Variants in CFAP54 observed in about 807,000 individuals in gnomAD.
CFAP54 encodes the protein cilia- and flagella-associated protein 54.
Under a neutral mutation model 370.4 loss-of-function variants are expected in CFAP54, and 290 were observed. The ratio of observed to expected loss-of-function variants is 0.78; its 90% confidence interval spans 0.71 to 0.86. The LOEUF (loss-of-function observed/expected upper bound fraction) is 0.86, where lower values mean the gene tolerates loss of function less well. CFAP54 is among the 40% of genes least tolerant of loss of function. The pLI, the probability that CFAP54 is intolerant of heterozygous loss-of-function variation, is 0.00. For missense variants in CFAP54, 3,399 were observed against 3,528.7 expected, an observed-to-expected ratio of 0.96 and a Z score of 0.93; for synonymous variants, 1,206 against 1,236.5, an observed-to-expected ratio of 0.98 and a Z score of 0.52.
At chr12:96,544,942 C>T (rs1225020678) in intron 14 of CFAP54, among the ~76,000 whole-genome samples, 3 of 151,312 alleles carry the variant, frequency 2.0e-5, no homozygotes. Context: ...GACGGAGTCT[C>T]GCTCTTTTAC....
intron 51 of CFAP54, 57 bp downstream of exon 51, chr12:96,740,118 T>C: frequency 1.1e-6 from 1 of 950,184 alleles, no homozygotes; most frequent in Non-Finnish European, 1.6e-6. Context: ...ACTATTGGCA[T>C]GCTAGGATAT....
chr12:96,490,969 T>C (rs1954876805), intron 1 of CFAP54, among the ~76,000 whole-genome samples: 1 of 146,786 alleles, frequency 6.8e-6, no homozygotes, highest in East Asian at 2.0e-4. Context: ...AGATGAATGT[T>C]GCAATTTTAT....
chr12:96,501,669 G>A (rs371752014), intron 2 of CFAP54, among the ~76,000 whole-genome samples: 7 of 152,312 alleles, frequency 4.6e-5, no homozygotes, highest in South Asian at 2.1e-4. Flanking sequence ...TAGGCCAGCC[G>A]TGGGCAGTGT....
chr12:96,636,651 T>G (rs1427735513), intron 32 of CFAP54, among the ~76,000 whole-genome samples: 1 of 152,196 alleles, frequency 6.6e-6, no homozygotes, highest in East Asian at 1.9e-4. Flanking sequence ...ACTTTCTATC[T>G]TCCTTTTAAA....
At chr12:96,594,815 C>G in intron 25 of CFAP54, among the ~76,000 whole-genome samples, 1 of 151,858 alleles carries the variant, frequency 6.6e-6, no homozygotes, top group East Asian at 1.9e-4. Flanking sequence ...GTGGGAGACC[C>G]AAGACAAAAT....
chr12:96,711,391 T>C (rs1195086604), intron 48 of CFAP54, among the ~76,000 whole-genome samples: 2 of 152,202 alleles, frequency 1.3e-5, no homozygotes, highest in African/African-American at 4.8e-5. Context: ...TATTTCAATC[T>C]TTATTATTTT....
intron 67 of CFAP54, among the ~76,000 whole-genome samples, chr12:96,872,980 A>G (rs1350794722): frequency 6.6e-6 from 1 of 152,226 alleles, no homozygotes; most frequent in African/African-American, 2.4e-5. Context: ...AAAAGAATAG[A>G]TAGCCATCAG....
At chr12:96,855,571 C>A (rs1212393230) in intron 66 of CFAP54, among the ~76,000 whole-genome samples, 1 of 152,226 alleles carries the variant, frequency 6.6e-6, no homozygotes, top group Non-Finnish European at 1.5e-5. Context: ...AGTCCAAAAT[C>A]CAAAAGGGCA....
chr12:96,867,716 C>T (rs574396837), intron 67 of CFAP54, among the ~76,000 whole-genome samples: 3 of 152,056 alleles, frequency 2.0e-5, no homozygotes, highest in Non-Finnish European at 4.4e-5. Context: ...AAGTTAAACT[C>T]GTAGAAGCAG....
At chr12:96,563,448 T>C (rs529393312) in intron 17 of CFAP54, among the ~76,000 whole-genome samples, 1 of 152,334 alleles carries the variant, frequency 6.6e-6, no homozygotes, top group Non-Finnish European at 1.5e-5. Context: ...ATGATGCATC[T>C]GTATTTGGCA....
intron 1 of CFAP54, among the ~76,000 whole-genome samples, chr12:96,497,537 T>C (rs1954969133): frequency 6.6e-6 from 1 of 152,186 alleles, no homozygotes; most frequent in African/African-American, 2.4e-5. Flanking sequence ...TAATGGCATT[T>C]TAAAATCAAC....
rs141189993 is a variant in CFAP54, at chr12:96,692,125, A to C, written c.6264+815A>C. On this transcript the variant is annotated intron_variant, in intron 44 of 67. Coordinates refer to ENST00000524981, the MANE Select transcript of CFAP54 (RefSeq NM_001306084.2). ...TTCTCTCGGTATATTTGTTCTTCTG[A>C]ATTCAACTCTCTCTTTATACTGAAA... Among the ~76,000 whole-genome samples, 874 of 151,744 alleles carry C rather than the reference A, an allele frequency of 5.8e-3. 7 individuals are homozygous for C. Among genetic ancestry groups the C allele is most frequent in the Middle Eastern group, 0.041 (12 of 294 alleles).
chr12:96,855,567 A>G (rs1959678615), intron 66 of CFAP54, among the ~76,000 whole-genome samples: 1 of 152,230 alleles, frequency 6.6e-6, no homozygotes, highest in Non-Finnish European at 1.5e-5. Context: ...TGCAAGTCCA[A>G]AATCCAAAAG....
At chr12:96,857,942 A>G (rs1025620258) in intron 66 of CFAP54, among the ~76,000 whole-genome samples, 3 of 152,170 alleles carry the variant, frequency 2.0e-5, no homozygotes, top group African/African-American at 7.2e-5. Context: ...TGCTATTGTG[A>G]ATAGTGTTGC....
intron 14 of CFAP54, among the ~76,000 whole-genome samples, chr12:96,547,387 A>G (rs1050521376): frequency 1.3e-5 from 2 of 152,042 alleles, no homozygotes; most frequent in African/African-American, 4.8e-5. Context: ...GGGTTTCATC[A>G]TGTTGGCCAG....
intron 56 of CFAP54, among the ~76,000 whole-genome samples, chr12:96,755,217 T>A (rs1044562605): frequency 3.3e-5 from 5 of 152,218 alleles, no homozygotes; most frequent in African/African-American, 1.2e-4. Flanking sequence ...TCAATTTATT[T>A]TTAACTGACA....
At chr12:96,819,169 T>C (rs559003588) in intron 65 of CFAP54, among the ~76,000 whole-genome samples, 1 of 152,296 alleles carries the variant, frequency 6.6e-6, no homozygotes, top group East Asian at 1.9e-4. Flanking sequence ...GTATCGGTCA[T>C]GAAAGATGGG....
chr12:96,791,780 C>T (rs1383828108), intron 62 of CFAP54, among the ~76,000 whole-genome samples: 1 of 151,848 alleles, frequency 6.6e-6, no homozygotes, highest in Non-Finnish European at 1.5e-5. Flanking sequence ...CCTGCTAGAT[C>T]TTCACCCTGT....
At chr12:96,539,327 G>A (rs1414432095) in intron 13 of CFAP54, among the ~76,000 whole-genome samples, 1 of 151,662 alleles carries the variant, frequency 6.6e-6, no homozygotes, top group African/African-American at 2.4e-5. Flanking sequence ...TCAAAGTGCT[G>A]GGATTACAAA....
Sources: allele counts gnomAD v4.1 joint callset (sites outside exome capture counted in the v4.1 genomes callset), GRCh38; gene constraint gnomAD v4.1.1; transcripts MANE v1.5; gene names NCBI Gene and HGNC (gene_info 2026-07-23, HGNC 2026-07-21).